The following CFAP58 variants were observed in gnomAD, a reference collection of about 807,000 sequenced individuals.
CFAP58 encodes the protein cilia- and flagella-associated protein 58.
In CFAP58, 88 loss-of-function variants were observed where a neutral mutation model predicts 119.5. The ratio of observed to expected loss-of-function variants is 0.74; its 90% CI spans 0.62 to 0.88. CFAP58 has a LOEUF of 0.88. Ranked by LOEUF, CFAP58 falls within the 40% of genes least tolerant of loss-of-function variation. The pLI, the probability that CFAP58 is intolerant of heterozygous loss-of-function variation, is 0.00. For missense variants in CFAP58, 990 were observed against 1,021.2 expected, an observed-to-expected ratio of 0.97 and a Z score of 0.42; for synonymous variants, 365 against 366.3, an observed-to-expected ratio of 1.00 and a Z score of 0.04.
At chr10:104,394,444 C>G (rs1180697861) in intron 11 of CFAP58, among the ~76,000 whole-genome samples, 3 of 152,134 alleles carry the variant, frequency 2.0e-5, no homozygotes. Flanking sequence ...TAGTCACTGT[C>G]TTGAAAATTT....
At chr10:104,376,502 CAA>C (rs1282859666) in intron 7 of CFAP58, among the ~76,000 whole-genome samples, 8 of 48,234 alleles carry the variant, frequency 1.7e-4, no homozygotes, top group Non-Finnish European at 1.9e-4. Flanking sequence ...AACTCCGTCT[CAA>C]AAAAAAAAAA....
rs2012091130 is a variant in CFAP58 at position 104,393,412 on chromosome 10, G to A, written c.1611G>A (p.Glu537=). Residue 537 remains glutamate, a synonymous_variant, in exon 11 of 18, where the codon GAG becomes GAA. Coordinates refer to ENST00000369704, the MANE Select transcript of CFAP58 (RefSeq NM_001008723.2). Reference sequence around the variant, plus strand: ...TGAAAGAAGACATCTCTGCCAAAGAGTCCGCACTTGTGAAGCTGCACCTGG... The same window carrying A: ...TGAAAGAAGACATCTCTGCCAAAGAATCCGCACTTGTGAAGCTGCACCTGG... ...DELKEDISAK[E]SALVKLHLEQ... is the part of the protein sequence containing the mutation. 1 of 1,614,088 alleles carries A rather than the reference G, an allele frequency of 6.2e-7. No individual in the cohort carries two copies. The highest frequency in any genetic ancestry group is 2.2e-5 in the East Asian group (1 of 44,880).
chr10:104,449,851 T>TA (rs1477995469), intron 16 of CFAP58, among the ~76,000 whole-genome samples: 3 of 152,196 alleles, frequency 2.0e-5, no homozygotes, highest in African/African-American at 7.2e-5. Flanking sequence ...GGGGGAATGA[T>TA]ATTTTGTTTA....
At position 104,399,481 on chromosome 10, in the gene CFAP58, A is replaced by C; in HGVS notation, c.1796A>C (p.Gln599Pro). 6.2e-7 allele frequency: 1 copy of C among 1,613,708 alleles called. No individual in the cohort carries two copies. Among genetic ancestry groups the C allele is most frequent in the Non-Finnish European group, 8.5e-7 (1 of 1,179,764 alleles). ...GAGGCTGACGGGGAGAGGTTGAGAC[A>C]GAAGAAGGAATTAGACCAGGTAGAG... ...IAEADGERLR[Q>P]KKELDQVISE... The change falls in exon 12 of 18, where the codon CAG becomes CCG. Residue 599 changes from glutamine to proline, a missense_variant. Gln to Pro is a moderately conservative substitution (Grantham distance 76). Coordinates refer to ENST00000369704, the MANE Select transcript of CFAP58 (RefSeq NM_001008723.2).
the CFAP58 span, among the ~76,000 whole-genome samples, chr10:104,346,235 G>T: frequency 6.6e-6 from 1 of 152,048 alleles, no homozygotes; most frequent in African/African-American, 2.4e-5. Flanking sequence ...AGCCATTCAT[G>T]AGGGATCTAC....
intron 1 of CFAP58, 144 bp downstream of exon 1, chr10:104,354,050 T>G: frequency 3.0e-6 from 3 of 998,608 alleles, no homozygotes; most frequent in Non-Finnish European, 4.5e-6. Context: ...CTCCCGCGCC[T>G]TTCTCCGTTG....
chr10:104,386,011 G>C (rs1009268720), intron 9 of CFAP58, among the ~76,000 whole-genome samples: 1 of 151,152 alleles, frequency 6.6e-6, no homozygotes, highest in Non-Finnish European at 1.5e-5. Flanking sequence ...ATTAATAGTG[G>C]TTATCTTTGG....
chr10:104,452,940 T>C (rs1252137954), intron 17 of CFAP58, among the ~76,000 whole-genome samples: 1 of 151,988 alleles, frequency 6.6e-6, no homozygotes, highest in Non-Finnish European at 1.5e-5. Context: ...GCAAAAAAGA[T>C]GCTGAAGAAA....
chr10:104,440,004 A>T (rs2013010335), intron 15 of CFAP58, among the ~76,000 whole-genome samples: 1 of 152,076 alleles, frequency 6.6e-6, no homozygotes, highest in African/African-American at 2.4e-5. Flanking sequence ...TATCTTTTTT[A>T]GTAGAGACGG....
At chr10:104,374,653 G>C (rs11192026) in intron 7 of CFAP58, among the ~76,000 whole-genome samples, 1 of 151,830 alleles carries the variant, frequency 6.6e-6, no homozygotes, top group Admixed American at 6.6e-5. Context: ...ACATCTATCA[G>C]ACTGTCAAAG....
At chr10:104,353,802 G>A, upstream of CFAP58, 1 of 1,477,002 alleles carries the variant, frequency 6.8e-7, no homozygotes, top group Admixed American at 1.9e-5. Context: ...GGGCGATAGA[G>A]ACAGCGCGTC....
intron 5 of CFAP58, among the ~76,000 whole-genome samples, chr10:104,367,134 C>G (rs757617048): frequency 6.6e-6 from 1 of 152,096 alleles, no homozygotes; most frequent in East Asian, 1.9e-4. Flanking sequence ...GCTAGGATTA[C>G]AGGCATGAGC....
intron 15 of CFAP58, 49 bp from the exon 16 acceptor site, chr10:104,447,647 CCT>C: frequency 6.2e-7 from 1 of 1,600,936 alleles, no homozygotes; most frequent in East Asian, 2.2e-5. Context: ...AGGCATTTTC[CCT>C]GTTTTGACGG....
chr10:104,449,968 T>A (rs1414301063), intron 16 of CFAP58, 103 bp from the exon 17 acceptor site: 7 of 1,169,278 alleles, frequency 6.0e-6, no homozygotes, highest in African/African-American at 1.6e-5. Context: ...TTGGGCATTG[T>A]TTTGCACCTC....
intron 15 of CFAP58, among the ~76,000 whole-genome samples, chr10:104,413,000 GA>G (rs1386690509): frequency 1.6e-4 from 24 of 152,166 alleles, no homozygotes; most frequent in African/African-American, 5.6e-4. Flanking sequence ...TGTAATTAAT[GA>G]AATAGTTGTA....
intron 11 of CFAP58, among the ~76,000 whole-genome samples, chr10:104,394,498 T>TA (rs2012113268): frequency 2.0e-5 from 3 of 152,236 alleles, no homozygotes; most frequent in Admixed American, 2.0e-4. Context: ...TTCTAGATTC[T>TA]AAGATACCAT....
In CFAP58 at chr10:104,389,137, T is replaced by G. The variant is rs2011983852; in HGVS notation, c.1366-3096T>G. On this transcript the variant is annotated intron_variant, in intron 9 of 17. Transcript: ENST00000369704. ...CTTTATGAATTTTCAGGATTTGAAC[T>G]TCTGCATGACTTTGGCCTGAATGAT... 2.6e-5 allele frequency among the ~76,000 whole-genome samples: 4 copies of G among 152,334 alleles called. No individual in the cohort carries two copies. In the South Asian group the frequency reaches 8.3e-4, roughly 32 times the overall value.
intron 2 of CFAP58, among the ~76,000 whole-genome samples, chr10:104,360,599 A>G (rs2014653495): frequency 6.6e-6 from 1 of 152,158 alleles, no homozygotes; most frequent in Non-Finnish European, 1.5e-5. Flanking sequence ...CCTAGTATCC[A>G]TTTGTTATTG....
At position 104,358,513 on chromosome 10, in the gene CFAP58, T is replaced by C. The variant is rs891905539; in HGVS notation, c.182T>C (p.Met61Thr). Residue 61 changes from methionine (M) to threonine (T), a missense_variant, in exon 2 of 18, where the codon ATG (methionine) becomes ACG (threonine). By Grantham distance (81) the Met-to-Thr change is moderately conservative. Transcript: ENST00000369704. ...KKSYDNEKRL[M>T]AKCRELNAEI... The stretch of plus-strand genomic sequence containing the variant: ...TCTTATGACAATGAAAAGCGTCTGA[T>C]GGCCAAATGCAGAGAGCTAAATGCA... 5 of 1,614,190 alleles carry C rather than the reference T, an allele frequency of 3.1e-6. No individual in the cohort carries two copies. The highest frequency in any genetic ancestry group is 4.2e-6 in the Non-Finnish European group (5 of 1,180,030).
Sources: gnomAD v4.1 joint callset for allele counts (sites outside exome capture counted in the v4.1 genomes callset) on GRCh38, gnomAD v4.1.1 for gene constraint, MANE v1.5 for transcripts, NCBI Gene and HGNC (gene_info 2026-07-23, HGNC 2026-07-21) for gene names.